ATRX: variants seen among roughly 807,000 people sequenced by gnomAD.
The protein encoded by ATRX is ATRX chromatin remodeler, also known as chromatin remodeler ATRX.
ATRX carries 12 observed loss-of-function variants against 172.6 expected under a neutral mutation model. The ratio of observed to expected loss-of-function variants is 0.07; its 90% CI spans 0.04 to 0.11. The LOEUF is 0.11. Among genes scored for constraint, ATRX ranks in the 10% least tolerant of loss-of-function variants. The pLI, the probability that ATRX is intolerant of heterozygous loss-of-function variation, is 1.00. For synonymous variants in ATRX, 674 were observed against 594.7 expected, an observed-to-expected ratio of 1.13 and a Z score of -1.94; for missense variants, 1,368 against 1,767.4, an observed-to-expected ratio of 0.77 and a Z score of 4.05.
intron 34 of ATRX, among the ~76,000 whole-genome samples, chrX:77,517,004 A>G (rs781986198): frequency 9.9e-5 from 11 of 111,231 alleles, no homozygotes; most frequent in Non-Finnish European, 1.7e-4. Context: ...AAACATTAAG[A>G]AAAAAACTGA....
At chrX:77,728,394 T>C (rs1557174270) in intron 1 of ATRX, among the ~76,000 whole-genome samples, 1 of 111,907 alleles carries the variant, frequency 8.9e-6, no homozygotes, top group Non-Finnish European at 1.9e-5. Context: ...ATCCTTTTGG[T>C]TAGTAATTAA....
intron 1 of ATRX, among the ~76,000 whole-genome samples, chrX:77,760,278 T>C (rs1385955763): frequency 1.9e-5 from 2 of 104,092 alleles, no homozygotes; most frequent in African/African-American, 3.5e-5. Flanking sequence ...AAAAGGCAAG[T>C]TGCAAAATAA....
intron 2 of ATRX, among the ~76,000 whole-genome samples, chrX:77,703,566 G>A (rs1557155190): frequency 8.9e-6 from 1 of 112,490 alleles, no homozygotes; most frequent in Non-Finnish European, 1.9e-5. Flanking sequence ...GGGAGTCACA[G>A]CCCTGGCTTG....
chrX:77,742,993 G>A (rs936702013), intron 1 of ATRX, among the ~76,000 whole-genome samples: 1 of 111,161 alleles, frequency 9.0e-6, no homozygotes, highest in Admixed American at 9.6e-5. Context: ...AGCCATTAGG[G>A]AAACTTGGGC....
At chrX:77,703,879 G>A (rs782724117) in intron 2 of ATRX, among the ~76,000 whole-genome samples, 2 of 111,209 alleles carry the variant, frequency 1.8e-5, no homozygotes, top group Non-Finnish European at 3.8e-5. Flanking sequence ...TAGCAGAGAG[G>A]GTGGTTCTTC....
chrX:77,512,010 T>C (rs2062886074), intron 34 of ATRX, among the ~76,000 whole-genome samples: 1 of 111,623 alleles, frequency 9.0e-6, no homozygotes, highest in Admixed American at 9.5e-5. Flanking sequence ...TAATGAAGAC[T>C]ACCTCCTACC....
chrX:77,520,902 C>G lies in ATRX; in HGVS notation c.7086G>C (p.Met2362Ile). ...DIISAVWKENMNLSEAQVQAL... is the reference protein window; with the variant it reads ...DIISAVWKENINLSEAQVQAL... ...CCTGTACTTGGGCCTCTGAGAGATT[C>G]ATGTTCTCCTTCCACTAAAAGAAAA... is the stretch of plus-strand genomic sequence containing the variant. Residue 2362 changes from methionine (M) to isoleucine (I), a missense_variant, in exon 34 of 35, where the codon ATG becomes ATC. Met to Ile is a conservative substitution (Grantham distance 10). Around this residue, in one of 17 missense-constraint regions of ATRX, gnomAD observed 100 missense variants for 153.9 expected, o/e 0.65. Transcript: ENST00000373344. 8.3e-7 allele frequency: 1 copy of G among 1,208,710 alleles called. No individual in the cohort carries two copies. Among genetic ancestry groups the G allele is most frequent in the Admixed American group, 2.2e-5 (1 of 45,938 alleles).
At chrX:77,574,151 G>T in intron 28 of ATRX, 99 bp downstream of exon 28, 1 of 606,277 alleles carries the variant, frequency 1.6e-6, no homozygotes, top group Non-Finnish European at 2.6e-6. Flanking sequence ...CCTTGCATTT[G>T]CTAAAAACAT....
chrX:77,550,830 CAGAG>C (rs1417519781), intron 30 of ATRX, among the ~76,000 whole-genome samples: 6 of 111,440 alleles, frequency 5.4e-5, no homozygotes, highest in Admixed American at 9.6e-5. Flanking sequence ...AAGAGACAAA[CAGAG>C]AGCCAAATCA....
chrX:77,574,403 T>A (rs1557069273), intron 27 of ATRX, 45 bp from the exon 28 acceptor site: 1 of 946,210 alleles, frequency 1.1e-6, no homozygotes, highest in Admixed American at 2.2e-5. Context: ...GATATATCGC[T>A]CTGCTTACTG....
At chrX:77,776,586 C>T (rs2076358975) in intron 1 of ATRX, among the ~76,000 whole-genome samples, 1 of 111,464 alleles carries the variant, frequency 9.0e-6, no homozygotes, top group African/African-American at 3.3e-5. Context: ...AACAAAGAAA[C>T]CAAAGAAAAA....
At chrX:77,755,605 C>T (rs1446576390) in intron 1 of ATRX, among the ~76,000 whole-genome samples, 2 of 112,001 alleles carry the variant, frequency 1.8e-5, no homozygotes, top group Non-Finnish European at 3.8e-5. Flanking sequence ...TGCAGGTCTG[C>T]TGCAATTTGC....
intron 30 of ATRX, among the ~76,000 whole-genome samples, chrX:77,543,016 T>G (rs1463399635): frequency 9.0e-6 from 1 of 111,014 alleles, no homozygotes; most frequent in Non-Finnish European, 1.9e-5. Context: ...ACCATCAGAG[T>G]GAACAGGCAA....
At chrX:77,639,775 G>T (rs1464042248) in intron 15 of ATRX, among the ~76,000 whole-genome samples, 1 of 111,909 alleles carries the variant, frequency 8.9e-6, no homozygotes, top group Non-Finnish European at 1.9e-5. Flanking sequence ...CTAAGTAGAT[G>T]TGTTTATGCA....
At chrX:77,616,319 ATCT>A in intron 22 of ATRX, 1 of 912,332 alleles carries the variant, frequency 1.1e-6, no homozygotes, top group Non-Finnish European at 1.4e-6. Context: ...AATTTTGTAT[ATCT>A]TCTTTTATGG....
At chrX:77,636,497 C>A (rs1357722651) in intron 15 of ATRX, among the ~76,000 whole-genome samples, 7 of 111,206 alleles carry the variant, frequency 6.3e-5, no homozygotes, top group African/African-American at 2.3e-4. Context: ...ATTTCCTGCA[C>A]AGCCTGCAAA....
chrX:77,550,405 A>G (rs2064438509), intron 30 of ATRX, among the ~76,000 whole-genome samples: 1 of 112,007 alleles, frequency 8.9e-6, no homozygotes, highest in Non-Finnish European at 1.9e-5. Context: ...GGCCTTTGAC[A>G]AAATTCAACA....
Position 77,599,487 on chromosome X carries a change from T to G in ATRX, c.5880A>C (p.Ser1960=), listed in dbSNP as rs782463964. ...NDVEVIKVWN[S]RSRGGGEGNV... is the part of the protein sequence containing the mutation. ...TTCCTTCACCACCTCCCCGAGATCT[T>G]GAATTCCAGACCTTAATCACTTCAA... The change falls in exon 25 of 35, where the codon TCA becomes TCC. Residue 1960 remains serine, a synonymous_variant. Coordinates refer to ENST00000373344, the MANE Select transcript of ATRX (RefSeq NM_000489.6). The G allele has an allele frequency of 8.3e-7, 1 of 1,210,812 alleles. No individual in the cohort carries two copies. Among genetic ancestry groups the G allele is most frequent in the South Asian group, 1.8e-5 (1 of 56,905 alleles).
chrX:77,590,602 ACT>A (rs2066207154), intron 26 of ATRX, among the ~76,000 whole-genome samples: 1 of 92,109 alleles, frequency 1.1e-5, no homozygotes, highest in African/African-American at 4.2e-5. Context: ...ACAGAGCGAG[ACT>A]CTGTCTCAAA....
Sources: gnomAD v4.1 joint callset for allele counts (sites outside exome capture counted in the v4.1 genomes callset) on GRCh38, gnomAD v4.1.1 for gene constraint, gnomAD v4.1.1 regional missense constraint, MANE v1.5 for transcripts, NCBI Gene and HGNC (gene_info 2026-07-23, HGNC 2026-07-21) for gene names.